LINGO2: variants seen among roughly 807,000 people sequenced by gnomAD.
LINGO2 encodes the protein leucine rich repeat and Ig domain containing 2.
In LINGO2, 14 loss-of-function variants were observed where a neutral mutation model predicts 30.6. That is an observed-to-expected ratio of 0.46 (90% confidence interval 0.30 to 0.72). The LOEUF (loss-of-function observed/expected upper bound fraction) is 0.72, where lower values mean the gene tolerates loss of function less well. Ranked by LOEUF, LINGO2 falls within the 30% of genes least tolerant of loss-of-function variation. The pLI is 0.07. For synonymous variants in LINGO2, 317 were observed against 288.5 expected (o/e 1.10, Z -1.00); for missense variants, 729 against 751.7 (o/e 0.97, Z 0.35).
intron 4 of LINGO2, among the ~76,000 whole-genome samples, chr9:28,070,482 C>T (rs1825441747): frequency 6.6e-6 from 1 of 152,264 alleles, no homozygotes; most frequent in Admixed American, 6.5e-5. Flanking sequence ...TCCTACAGTC[C>T]TGCCTTAAAT....
the LINGO2 span, among the ~76,000 whole-genome samples, chr9:28,833,001 C>T: frequency 2.0e-5 from 3 of 151,880 alleles, no homozygotes; most frequent in South Asian, 2.1e-4. Flanking sequence ...GAACCAGTAA[C>T]GGATGGACTG....
chr9:28,650,518 T>C (rs898598896), intron 1 of LINGO2, among the ~76,000 whole-genome samples: 2 of 152,110 alleles, frequency 1.3e-5, no homozygotes, highest in African/African-American at 4.8e-5. Context: ...TCCTTTGAGA[T>C]TCAAATAAAG....
At chr9:28,769,514 A>T in the LINGO2 span, among the ~76,000 whole-genome samples, 28 of 2,012 alleles carry the variant, frequency 0.014, 2 homozygotes, top group African/African-American at 0.022. Context: ...ATATATATAT[A>T]TATATTTTTT....
the LINGO2 span, among the ~76,000 whole-genome samples, chr9:29,141,569 TA>T: frequency 6.6e-5 from 10 of 151,874 alleles, no homozygotes; most frequent in Non-Finnish European, 1.3e-4. Flanking sequence ...ACTTGAAATG[TA>T]AATTGATTTT....
chr9:29,212,093 C>G, the LINGO2 span, among the ~76,000 whole-genome samples: 1 of 152,296 alleles, frequency 6.6e-6, no homozygotes, highest in East Asian at 1.9e-4. Flanking sequence ...GCATTACCTC[C>G]CGGGGCTGCC....
At chr9:28,670,039 C>G (rs1430581649) in intron 1 of LINGO2, among the ~76,000 whole-genome samples, 161 bp downstream of exon 3, 1 of 151,644 alleles carries the variant, frequency 6.6e-6, no homozygotes, top group Non-Finnish European at 1.5e-5. Context: ...CACTTTGGGG[C>G]TAACAAATTA....
the LINGO2 span, among the ~76,000 whole-genome samples, chr9:28,849,495 T>G: frequency 6.6e-6 from 1 of 152,044 alleles, no homozygotes; most frequent in Admixed American, 6.6e-5. Context: ...GACTAAAAAC[T>G]TTGCTGTAAT....
the LINGO2 span, among the ~76,000 whole-genome samples, chr9:28,962,580 T>C: frequency 0.17 from 25,352 of 151,770 alleles, 2,211 homozygotes; most frequent in East Asian, 0.28. Flanking sequence ...TGTATACACA[T>C]AAATTTTAAA....
chr9:28,920,169 T>G, the LINGO2 span, among the ~76,000 whole-genome samples: 1 of 152,142 alleles, frequency 6.6e-6, no homozygotes, highest in Non-Finnish European at 1.5e-5. Context: ...AAGTCACCTC[T>G]ACACAGGTGG....
At chr9:28,340,716 A>G (rs954134675) in intron 3 of LINGO2, among the ~76,000 whole-genome samples, 2 of 152,088 alleles carry the variant, frequency 1.3e-5, no homozygotes, top group Non-Finnish European at 2.9e-5. Context: ...TCCAGGAAAA[A>G]ATACTTCATG....
intron 2 of LINGO2, among the ~76,000 whole-genome samples, chr9:28,467,826 A>C (rs1345729654): frequency 6.6e-6 from 1 of 152,036 alleles, no homozygotes; most frequent in Non-Finnish European, 1.5e-5. Flanking sequence ...AAATAACATA[A>C]TACAACTGTG....
At chr9:28,309,968 T>A (rs1278975421) in intron 3 of LINGO2, among the ~76,000 whole-genome samples, 1 of 152,126 alleles carries the variant, frequency 6.6e-6, no homozygotes, top group African/African-American at 2.4e-5. Flanking sequence ...GCCACACAGC[T>A]ATTAAATTAA....
At chr9:28,033,314 G>A (rs191134681) in intron 4 of LINGO2, among the ~76,000 whole-genome samples, 1 of 152,244 alleles carries the variant, frequency 6.6e-6, no homozygotes, top group African/African-American at 2.4e-5. Flanking sequence ...TGGGGGTGGG[G>A]CAAGAGTCAG....
chr9:29,150,915 T>C, the LINGO2 span, among the ~76,000 whole-genome samples: 8 of 152,050 alleles, frequency 5.3e-5, no homozygotes, highest in African/African-American at 1.4e-4. Flanking sequence ...CCCTGCAAGA[T>C]ACTATACAAT....
chr9:28,396,703 C>CAAAAAAAAAAAAAAAAAA (rs60660309), intron 2 of LINGO2, among the ~76,000 whole-genome samples: 3 of 53,136 alleles, frequency 5.6e-5, no homozygotes, highest in Admixed American at 5.9e-4. Flanking sequence ...GACTCCATCT[C>CAAAAAAAAAAAAAAAAAA]AAAAAAAAAA....
chr9:28,059,356 C>T (rs764487318), intron 4 of LINGO2, among the ~76,000 whole-genome samples: 1 of 152,006 alleles, frequency 6.6e-6, no homozygotes, highest in Admixed American at 6.6e-5. Flanking sequence ...TAGTGATGCC[C>T]CCCCACCCCA....
intron 1 of LINGO2, among the ~76,000 whole-genome samples, chr9:28,638,004 C>T (rs1827368480): frequency 6.6e-6 from 1 of 152,120 alleles, no homozygotes; most frequent in Non-Finnish European, 1.5e-5. Flanking sequence ...CCATCAATAA[C>T]TAATTTATTG....
rs546239222 is a variant in LINGO2, at chr9:28,121,058, T to C, written c.-86-108653A>G. On this transcript the variant is annotated intron_variant, in intron 4 of 5. Coordinates refer to ENST00000379992, the Ensembl canonical transcript of LINGO2. ...GGGCTATGTTTCCCTCAAAATTATATTTTAGATACACTGATAGAAGATTTT... is the reference window on the plus strand; with the variant it reads ...GGGCTATGTTTCCCTCAAAATTATACTTTAGATACACTGATAGAAGATTTT... Among the ~76,000 whole-genome samples, 6 of 152,328 alleles carry C rather than the reference T, an allele frequency of 3.9e-5. No individual in the cohort carries two copies. The South Asian group carries it at 1.2e-3, about 32-fold the overall frequency.
chr9:28,569,892 T>C (rs1217796567), intron 1 of LINGO2, among the ~76,000 whole-genome samples: 1 of 151,908 alleles, frequency 6.6e-6, no homozygotes, highest in Non-Finnish European at 1.5e-5. Context: ...TAATCAACAT[T>C]GTATACCTTA....
Sources: gnomAD v4.1 joint callset for allele counts (sites outside exome capture counted in the v4.1 genomes callset) on GRCh38, gnomAD v4.1.1 for gene constraint, MANE v1.5 for transcripts, NCBI Gene and HGNC (gene_info 2026-07-23, HGNC 2026-07-21) for gene names.